The following COBL variants were observed in gnomAD, a reference collection of about 807,000 sequenced individuals.
The protein encoded by COBL is protein cordon-bleu.
Under a neutral mutation model 98.8 loss-of-function variants are expected in COBL, and 51 were observed. The observed-to-expected ratio is 0.52, with a 90% CI of 0.41 to 0.65. The LOEUF (loss-of-function observed/expected upper bound fraction) is 0.65. Ranked by LOEUF, COBL falls within the 30% of genes least tolerant of loss-of-function variation. COBL has a pLI of 0.00. For missense variants in COBL, 1,617 were observed against 1,617.5 expected (o/e 1.00, Z 0.01); for synonymous variants, 634 against 651.7 (o/e 0.97, Z 0.41).
At chr7:51,171,143 G>A (rs1019628322) in intron 5 of COBL, among the ~76,000 whole-genome samples, 1 of 152,030 alleles carries the variant, frequency 6.6e-6, no homozygotes, top group African/African-American at 2.4e-5. Context: ...AGAGCCTTAA[G>A]TATAATTGTC....
chr7:51,269,579 C>T (rs1024453734), intron 1 of COBL, among the ~76,000 whole-genome samples: 1 of 152,240 alleles, frequency 6.6e-6, no homozygotes, highest in Non-Finnish European at 1.5e-5. Flanking sequence ...CCTGCTCCGG[C>T]CACTGCTCTC....
chr7:51,263,065 G>A (rs1797861545), intron 1 of COBL, among the ~76,000 whole-genome samples: 1 of 152,230 alleles, frequency 6.6e-6, no homozygotes, highest in African/African-American at 2.4e-5. Flanking sequence ...TAAGAGACAT[G>A]GAGGTGTCGC....
In COBL at chr7:51,029,245, G is replaced by C; in HGVS notation, c.1851C>G (p.Asn617Lys). The change falls in exon 10 of 13, where the codon AAC becomes AAG. Residue 617 changes from asparagine to lysine, a missense_variant. Asn to Lys is a moderately conservative substitution (Grantham distance 94). Around this residue, in one of 3 missense-constraint regions of COBL, gnomAD observed 1,304 missense variants for 1,282.0 expected, o/e 1.02. Transcript: ENST00000265136. ...VGKGIRVALS[N>K]ISKDGNLMET... is the part of the protein sequence containing the mutation. The stretch of plus-strand genomic sequence containing the variant: ...CCATTAGATTCCCATCTTTAGAGAT[G>C]TTAGATAAGGCCACACGGATTCCTT... 2 of 1,613,528 alleles carry C rather than the reference G, an allele frequency of 1.2e-6. No homozygotes were observed. The highest frequency in any genetic ancestry group is 8.5e-7 in the Non-Finnish European group (1 of 1,179,702).
intron 2 of COBL, among the ~76,000 whole-genome samples, chr7:51,206,010 G>A (rs1791662351): frequency 6.6e-6 from 1 of 152,130 alleles, no homozygotes; most frequent in African/African-American, 2.4e-5. Context: ...CTGTTAGAAT[G>A]GCAATTTTAT....
chr7:51,188,844 G>A (rs1433711059), intron 4 of COBL, among the ~76,000 whole-genome samples: 1 of 152,170 alleles, frequency 6.6e-6, no homozygotes, highest in Non-Finnish European at 1.5e-5. Flanking sequence ...CAGACAGGCA[G>A]GTTTTATATC....
At chr7:51,236,182 T>C (rs1444912250) in intron 1 of COBL, among the ~76,000 whole-genome samples, 2 of 152,106 alleles carry the variant, frequency 1.3e-5, no homozygotes, top group Non-Finnish European at 1.5e-5. Context: ...GACAGAAAAC[T>C]GAGGCCCAGA....
At chr7:51,090,244 T>C in intron 6 of COBL, among the ~76,000 whole-genome samples, 1 of 152,110 alleles carries the variant, frequency 6.6e-6, no homozygotes, top group Non-Finnish European at 1.5e-5. Flanking sequence ...CACAAAGACA[T>C]CAACTTAACA....
intron 2 of COBL, among the ~76,000 whole-genome samples, chr7:51,200,712 G>A (rs1219515931): frequency 1.3e-5 from 2 of 152,114 alleles, no homozygotes; most frequent in Non-Finnish European, 2.9e-5. Flanking sequence ...ACCAAGAGGA[G>A]TAAGAGAACT....
chr7:51,307,210 G>A (rs184895553), intron 1 of COBL, among the ~76,000 whole-genome samples: 23 of 152,228 alleles, frequency 1.5e-4, no homozygotes, highest in Admixed American at 4.6e-4. Flanking sequence ...TTAGCCAGGC[G>A]TGGTGGTGCA....
At chr7:51,296,883 A>G (rs1801461779) in intron 1 of COBL, among the ~76,000 whole-genome samples, 1 of 152,158 alleles carries the variant, frequency 6.6e-6, no homozygotes, top group African/African-American at 2.4e-5. Flanking sequence ...TTTTCAACTA[A>G]ATAGAACTCC....
rs981350558 is a variant in COBL, at chr7:51,029,678, G to T, written c.1505-87C>A. 9 of 1,165,544 alleles carry T rather than the reference G, an allele frequency of 7.7e-6. No individual in the cohort carries two copies. In the South Asian group the frequency reaches 1.2e-4, roughly 16 times the overall value. The allele number at this position is 1,165,544 out of a possible 1,614,324, so 72.2% of individuals were successfully genotyped here. ...CAGCCATGACTTTGATTTCCCTGAG[G>T]TTACTTTTGAATACATTATTTATAT... On this transcript the variant is annotated intron_variant, in intron 9 of 12. Coordinates refer to ENST00000265136, the MANE Select transcript of COBL (RefSeq NM_015198.5).
chr7:51,264,867 G>A (rs1350224866), intron 1 of COBL, among the ~76,000 whole-genome samples: 1 of 151,984 alleles, frequency 6.6e-6, no homozygotes, highest in Non-Finnish European at 1.5e-5. Context: ...ATACACATGT[G>A]CATATGAAAT....
At chr7:51,298,487 T>C (rs1801620710) in intron 1 of COBL, among the ~76,000 whole-genome samples, 1 of 152,342 alleles carries the variant, frequency 6.6e-6, no homozygotes, top group Non-Finnish European at 1.5e-5. Context: ...TTCTGAGCTC[T>C]GACCTCCTAA....
Position 51,043,694 on chromosome 7 carries a change from T to A in COBL, c.1097-2A>T. ...TGCCAGACCCCAGGGGCAGGCTTACTGGACAAGACACGGCAAGGACAGGTC... is the reference window on the plus strand; with the variant it reads ...TGCCAGACCCCAGGGGCAGGCTTACAGGACAAGACACGGCAAGGACAGGTC... On this transcript the variant is annotated splice_acceptor_variant, in intron 7 of 12. Transcript: ENST00000265136. LOFTEE classifies it high-confidence loss of function. 6.2e-7 allele frequency: 1 copy of A among 1,611,652 alleles called. No individual in the cohort carries two copies. The highest frequency in any genetic ancestry group is 1.1e-5 in the South Asian group (1 of 90,916).
chr7:51,212,119 A>G (rs563399475), intron 2 of COBL, among the ~76,000 whole-genome samples: 2 of 152,286 alleles, frequency 1.3e-5, no homozygotes, highest in South Asian at 4.1e-4. Context: ...CATAAGATAG[A>G]GGTAAATGTT....
At position 51,025,092 on chromosome 7, in the gene COBL, C is replaced by A. The variant is rs10262459; in HGVS notation, c.3768+17G>T. The A allele has an allele frequency of 2.1e-3, 3,358 of 1,611,952 alleles. 56 individuals carry two copies. The African/African-American group carries it at 0.041, about 19-fold the overall frequency. On this transcript the variant is annotated intron_variant, in intron 12 of 12. Transcript: ENST00000265136. ...CCCTCTGGCCCCATTGAAATGCGCACACACAGTCGCCATCACCTTTCTCAG... is the reference window on the plus strand; with the variant it reads ...CCCTCTGGCCCCATTGAAATGCGCAAACACAGTCGCCATCACCTTTCTCAG...
intron 6 of COBL, among the ~76,000 whole-genome samples, chr7:51,129,957 C>T (rs1798579887): frequency 6.6e-6 from 1 of 152,172 alleles, no homozygotes. Flanking sequence ...GTTAGGAAGC[C>T]AGTGCACCAG....
intron 8 of COBL, among the ~76,000 whole-genome samples, chr7:51,039,099 A>C (rs1788912028): frequency 6.6e-6 from 1 of 152,088 alleles, no homozygotes; most frequent in African/African-American, 2.4e-5. Context: ...CTCTTGATCA[A>C]GGTGGTGTTG....
At position 51,140,157 on chromosome 7, in the gene COBL, C is replaced by T. The variant is rs138378102; in HGVS notation, c.784-3826G>A. Among the ~76,000 whole-genome samples the T allele has an allele frequency of 5.6e-3, 846 of 152,268 alleles. 3 individuals are homozygous for T. Among genetic ancestry groups the T allele is most frequent in the Middle Eastern group, 0.017 (5 of 294 alleles). ...ATCATTAAGAAAAAGCAATGAATAA[C>T]AGAAAAGAAAACTAAGCAAACAGAA... On this transcript the variant is annotated intron_variant, in intron 5 of 12. Transcript: ENST00000265136.
Sources: gnomAD v4.1 joint callset for allele counts (sites outside exome capture counted in the v4.1 genomes callset) on GRCh38, gnomAD v4.1.1 for gene constraint, gnomAD v4.1.1 regional missense constraint, MANE v1.5 for transcripts, NCBI Gene and HGNC (gene_info 2026-07-23, HGNC 2026-07-21) for gene names.